ANO6: variants seen among roughly 807,000 people sequenced by gnomAD.
The protein encoded by ANO6 is anoctamin-6.
In ANO6, 106 loss-of-function variants were observed where a neutral mutation model predicts 117.5. That is an observed-to-expected ratio of 0.90 (90% CI 0.77 to 1.06). The LOEUF (loss-of-function observed/expected upper bound fraction) is 1.06. Among genes scored for constraint, ANO6 ranks in the 50% least tolerant of loss-of-function variants. ANO6 has a pLI of 0.00. For synonymous variants in ANO6, 367 were observed against 385.1 expected (o/e 0.95, Z 0.55); for missense variants, 955 against 1,121.1 (o/e 0.85, Z 2.12).
At chr12:45,220,015 C>T (rs569605191) in intron 1 of ANO6, among the ~76,000 whole-genome samples, 1 of 152,292 alleles carries the variant, frequency 6.6e-6, no homozygotes, top group Non-Finnish European at 1.5e-5. Context: ...TTTTCGCCCC[C>T]TCATCAGCGG....
chr12:45,272,456 TAGAG>T (rs1478902144), intron 1 of ANO6, among the ~76,000 whole-genome samples: 11 of 152,206 alleles, frequency 7.2e-5, no homozygotes, highest in Admixed American at 2.0e-4. Flanking sequence ...ACCTGTTCAC[TAGAG>T]AGAGGAGCCA....
rs1467413555 is a variant in ANO6 at position 45,350,904 on chromosome 12, G to A, written c.863+130G>A. On this transcript the variant is annotated intron_variant, in intron 7 of 19. Coordinates refer to ENST00000320560, the MANE Select transcript of ANO6 (RefSeq NM_001025356.3). ...TGACCCAGAGTGCTGAGCTTCGTTGGCCAGGGTTTTTATTGAGGCTTAATT... is the reference window on the plus strand; with the variant it reads ...TGACCCAGAGTGCTGAGCTTCGTTGACCAGGGTTTTTATTGAGGCTTAATT... The A allele has an allele frequency of 6.6e-6, 5 of 756,432 alleles. No individual in the cohort carries two copies. The African/African-American group carries it at 8.7e-5, about 13-fold the overall frequency. The allele number at this position is 756,432 out of a possible 1,614,324, so 46.9% of individuals were successfully genotyped here. A position where few individuals can be genotyped will look rare whatever the true frequency, so the allele number is the denominator to read the frequency against.
intron 15 of ANO6, 38 bp downstream of exon 15, chr12:45,403,574 A>T (rs1158638056): frequency 2.6e-6 from 4 of 1,546,084 alleles, no homozygotes; most frequent in African/African-American, 1.4e-5. Flanking sequence ...TAAAAGGACA[A>T]GGGATAGAAC....
chr12:45,353,908 A>T, intron 7 of ANO6, among the ~76,000 whole-genome samples: 1 of 143,170 alleles, frequency 7.0e-6, no homozygotes, highest in African/African-American at 3.0e-5. Context: ...AGAACGCATT[A>T]GAAAAATGAA....
At chr12:45,346,598 G>T (rs1941138872) in intron 3 of ANO6, among the ~76,000 whole-genome samples, 3 of 152,128 alleles carry the variant, frequency 2.0e-5, no homozygotes, top group Non-Finnish European at 4.4e-5. Flanking sequence ...TTGAATGTCT[G>T]GTATGGAAAC....
At chr12:45,366,043 A>C (rs1482736880) in intron 8 of ANO6, among the ~76,000 whole-genome samples, 1 of 151,494 alleles carries the variant, frequency 6.6e-6, no homozygotes, top group Non-Finnish European at 1.5e-5. Flanking sequence ...GCACAGCTCC[A>C]GTCCTAGTTA....
At chr12:45,282,883 A>G (rs1056424380) in intron 1 of ANO6, among the ~76,000 whole-genome samples, 4 of 152,216 alleles carry the variant, frequency 2.6e-5, no homozygotes, top group African/African-American at 9.6e-5. Flanking sequence ...TTTGAGGTGT[A>G]TCCTTCAAGA....
chr12:45,263,353 A>G (rs111476308), intron 1 of ANO6, among the ~76,000 whole-genome samples: 1,567 of 138,162 alleles, frequency 0.011, 27 homozygotes, highest in African/African-American at 0.038. Context: ...TACAACCATC[A>G]TGCCTGGCCT....
At chr12:45,372,461 GAA>G (rs1041200480) in intron 9 of ANO6, among the ~76,000 whole-genome samples, 3 of 143,612 alleles carry the variant, frequency 2.1e-5, no homozygotes, top group African/African-American at 7.9e-5. Flanking sequence ...CAGCCAGAGA[GAA>G]AGGTCGGGTT....
At chr12:45,344,375 G>A (rs1941068446) in intron 3 of ANO6, among the ~76,000 whole-genome samples, 1 of 152,176 alleles carries the variant, frequency 6.6e-6, no homozygotes, top group East Asian at 1.9e-4. Flanking sequence ...CCCGAGACTG[G>A]GTAATTTATA....
intron 12 of ANO6, among the ~76,000 whole-genome samples, chr12:45,393,626 A>G (rs1288392078): frequency 6.6e-6 from 1 of 152,262 alleles, no homozygotes; most frequent in Non-Finnish European, 1.5e-5. Context: ...AGGGAAGCCC[A>G]TCAGACTAAC....
chr12:45,228,349 A>T (rs909893716), intron 1 of ANO6: 51 of 233,066 alleles, frequency 2.2e-4, no homozygotes, highest in African/African-American at 1.5e-3. Context: ...TATGTTGCCC[A>T]GCTGGTCCCA....
At chr12:45,368,750 A>G (rs906263173) in intron 9 of ANO6, among the ~76,000 whole-genome samples, 3 of 152,212 alleles carry the variant, frequency 2.0e-5, no homozygotes, top group African/African-American at 7.2e-5. Context: ...TAGTATCCCT[A>G]GAACATTGTA....
At chr12:45,418,898 C>T (rs563016237) in intron 17 of ANO6, among the ~76,000 whole-genome samples, 2 of 152,270 alleles carry the variant, frequency 1.3e-5, no homozygotes, top group East Asian at 3.9e-4. Context: ...GTTATACTTC[C>T]AAGATGGCAG....
In ANO6 at chr12:45,429,670, G is replaced by T; in HGVS notation, c.*359G>T. 1 of 1,128,390 alleles carries T rather than the reference G, an allele frequency of 8.9e-7. No homozygotes were observed. The allele number at this position is 1,128,390 out of a possible 1,614,324, so 69.9% of individuals were successfully genotyped here. A position where few individuals can be genotyped will look rare whatever the true frequency, so the allele number is the denominator to read the frequency against. On this transcript the variant is annotated 3_prime_UTR_variant, in exon 20 of 20. Coordinates refer to ENST00000320560, the MANE Select transcript of ANO6 (RefSeq NM_001025356.3). ...CATTTCTGTCTATTCTCAGGCGCAT[G>T]ATCTCCTTTATTTTTAAGCCATGTT...
chr12:45,260,760 TTGAG>T, intron 1 of ANO6, among the ~76,000 whole-genome samples: 1 of 152,166 alleles, frequency 6.6e-6, no homozygotes, highest in South Asian at 2.1e-4. Context: ...ATCATTTGTA[TTGAG>T]TTTTTAGTTT....
intron 1 of ANO6, among the ~76,000 whole-genome samples, chr12:45,275,909 A>G (rs1938540286): frequency 6.6e-6 from 1 of 152,116 alleles, no homozygotes; most frequent in African/African-American, 2.4e-5. Context: ...TTTAAATACC[A>G]TTAATTTGCT....
chr12:45,246,716 TG>T (rs1004891668), intron 1 of ANO6, among the ~76,000 whole-genome samples: 3 of 151,378 alleles, frequency 2.0e-5, no homozygotes, highest in Middle Eastern at 3.2e-3. Context: ...CTGCTTCCAA[TG>T]GGGGTAGACC....
intron 1 of ANO6, among the ~76,000 whole-genome samples, chr12:45,267,352 C>A (rs968024979): frequency 6.6e-6 from 1 of 152,162 alleles, no homozygotes; most frequent in Non-Finnish European, 1.5e-5. Flanking sequence ...TGGATTAGGG[C>A]ACACTCTCAC....
Sources: allele counts gnomAD v4.1 joint callset (sites outside exome capture counted in the v4.1 genomes callset), GRCh38; gene constraint gnomAD v4.1.1; transcripts MANE v1.5; gene names NCBI Gene and HGNC (gene_info 2026-07-23, HGNC 2026-07-21).